SREK1IP1: variants seen among roughly 807,000 people sequenced by gnomAD.
SREK1IP1 encodes the protein protein SREK1IP1.
Under a neutral mutation model 22.8 loss-of-function variants are expected in SREK1IP1, and 12 were observed. The ratio of observed to expected loss-of-function variants is 0.53; its 90% CI spans 0.34 to 0.85. The LOEUF is 0.85. Among genes scored for constraint, SREK1IP1 ranks in the 40% least tolerant of loss-of-function variants. The pLI is 0.02. For synonymous variants in SREK1IP1, 53 were observed against 52.7 expected (o/e 1.01, Z -0.02); for missense variants, 147 against 171.8 (o/e 0.86, Z 0.81).
At chr5:64,745,598 A>C (rs1385653230) in intron 2 of SREK1IP1, among the ~76,000 whole-genome samples, 5 of 152,058 alleles carry the variant, frequency 3.3e-5, no homozygotes, top group Admixed American at 1.3e-4. Flanking sequence ...AAAAAAAAAA[A>C]AACTCCTGAT....
intron 3 of SREK1IP1, among the ~76,000 whole-genome samples, chr5:64,736,112 T>C (rs906164625): frequency 3.9e-5 from 6 of 152,232 alleles, no homozygotes; most frequent in Admixed American, 2.0e-4. Context: ...GTTGACCCAA[T>C]AGACTATTTA....
intron 2 of SREK1IP1, among the ~76,000 whole-genome samples, chr5:64,751,100 G>A (rs1238918116): frequency 1.3e-5 from 2 of 152,002 alleles, no homozygotes; most frequent in Non-Finnish European, 2.9e-5. Context: ...TCTTGCTAAG[G>A]GAAGCAAAGC....
chr5:64,768,545 C>T lies in SREK1IP1; in HGVS notation c.-28G>A. ...CGGTGGTAAGAGGGGTAACTCGAGC[C>T]TCTGGCTTTCGAAAAGGCGCTTGCT... is the stretch of plus-strand genomic sequence containing the variant. On this transcript the variant is annotated 5_prime_UTR_variant, in exon 1 of 5. Transcript: ENST00000513458. 6.2e-7 allele frequency: 1 copy of T among 1,614,136 alleles called. No individual in the cohort carries two copies. The highest frequency in any genetic ancestry group is 8.5e-7 in the Non-Finnish European group (1 of 1,180,022).
At chr5:64,752,796 G>A (rs1742772632) in intron 2 of SREK1IP1, among the ~76,000 whole-genome samples, 1 of 152,070 alleles carries the variant, frequency 6.6e-6, no homozygotes, top group Non-Finnish European at 1.5e-5. Context: ...TAAAAGATAA[G>A]CTAATTTGTA....
intron 1 of SREK1IP1, among the ~76,000 whole-genome samples, chr5:64,761,910 G>A (rs1345602745): frequency 1.3e-5 from 2 of 152,076 alleles, no homozygotes; most frequent in East Asian, 1.9e-4. Context: ...AGTAGACAAC[G>A]AAGAAACAGA....
Position 64,721,278 on chromosome 5 carries a change from T to C in SREK1IP1, c.*3106A>G, listed in dbSNP as rs1045585111. ...GGCAAATGTGTCTTACTTATCTCTGTATCCCCAGTACTTAGCACAGCGTTT... is the reference window on the plus strand; with the variant it reads ...GGCAAATGTGTCTTACTTATCTCTGCATCCCCAGTACTTAGCACAGCGTTT... On this transcript the variant is annotated 3_prime_UTR_variant, in exon 5 of 5. Transcript: ENST00000513458. 2 of 152,192 alleles carry C rather than the reference T, an allele frequency of 1.3e-5. No individual in the cohort carries two copies. Among genetic ancestry groups the C allele is most frequent in the African/African-American group, 4.8e-5 (2 of 41,460 alleles). The allele number at this position is 152,192 out of a possible 1,614,324, so 9.4% of individuals were successfully genotyped here. A position where few individuals can be genotyped will look rare whatever the true frequency, so the allele number is the denominator to read the frequency against.
At chr5:64,748,025 A>T (rs1295730596) in intron 2 of SREK1IP1, among the ~76,000 whole-genome samples, 1 of 152,202 alleles carries the variant, frequency 6.6e-6, no homozygotes, top group Non-Finnish European at 1.5e-5. Context: ...GAAAACAGGG[A>T]CTCAAACAGA....
At chr5:64,727,553 A>ATATATATTTTTTTTTTTTTT in intron 4 of SREK1IP1, 2 of 84,716 alleles carry the variant, frequency 2.4e-5, no homozygotes, top group African/African-American at 1.1e-4. Flanking sequence ...ATATATATAT[A>ATATATATTTTTTTTTTTTTT]TTTTTTTTTT....
Position 64,724,441 on chromosome 5 carries a change from C to T in SREK1IP1, c.411G>A (p.Lys137=). The T allele has an allele frequency of 6.3e-7, 1 of 1,584,124 alleles. No individual in the cohort carries two copies. Among genetic ancestry groups the T allele is most frequent in the African/African-American group, 1.4e-5 (1 of 72,724 alleles). ...KGKHHKKEKK[K]RKKEKHSSTP... ...TAGAAGAATGCTTTTCCTTTTTTCT[C>T]TTCTTTTTTTCCTTTTTGTGATGTT... The change falls in exon 5 of 5, where the codon AAG becomes AAA. Residue 137 remains lysine, a synonymous_variant. Coordinates refer to ENST00000513458, the MANE Select transcript of SREK1IP1 (RefSeq NM_173829.4).
At chr5:64,727,471 A>ATG (rs980176897) in intron 4 of SREK1IP1, among the ~76,000 whole-genome samples, 2 of 140,016 alleles carry the variant, frequency 1.4e-5, no homozygotes, top group Non-Finnish European at 3.1e-5. Flanking sequence ...ATATATATAT[A>ATG]TGAAACTGTC....
chr5:64,743,212 G>A (rs1742578980), intron 2 of SREK1IP1, among the ~76,000 whole-genome samples: 1 of 152,112 alleles, frequency 6.6e-6, no homozygotes, highest in Non-Finnish European at 1.5e-5. Flanking sequence ...TAATAATACT[G>A]TTCCTTGTCA....
intron 2 of SREK1IP1, among the ~76,000 whole-genome samples, chr5:64,743,789 C>G (rs1354430356): frequency 6.6e-6 from 1 of 152,054 alleles, no homozygotes; most frequent in Non-Finnish European, 1.5e-5. Context: ...CCACTTATCA[C>G]CAGTAGTGCT....
In SREK1IP1 at chr5:64,719,411, G is replaced by T. The variant is rs1561380097; in HGVS notation, c.*4973C>A. On this transcript the variant is annotated 3_prime_UTR_variant, in exon 5 of 5. Coordinates refer to ENST00000513458, the MANE Select transcript of SREK1IP1 (RefSeq NM_173829.4). ...CCATTATAAAAATGACATTTTACAC[G>T]GCCATAAAAACAAAGAATTTTCACT... 6.6e-6 allele frequency: 1 copy of T among 151,914 alleles called. No homozygotes were observed. The highest frequency in any genetic ancestry group is 1.5e-5 in the Non-Finnish European group (1 of 67,978). The allele number at this position is 151,914 out of a possible 1,614,324, so 9.4% of individuals were successfully genotyped here.
At chr5:64,728,698 G>T (rs1273741695) in intron 3 of SREK1IP1, among the ~76,000 whole-genome samples, 1 of 152,028 alleles carries the variant, frequency 6.6e-6, no homozygotes, top group Admixed American at 6.6e-5. Context: ...AAAATGTACT[G>T]TCACATATAT....
intron 1 of SREK1IP1, among the ~76,000 whole-genome samples, 175 bp downstream of exon 1, chr5:64,768,330 T>C (rs1743097540): frequency 6.6e-6 from 1 of 152,242 alleles, no homozygotes; most frequent in South Asian, 2.1e-4. Context: ...TTTTCTTTCC[T>C]TCAGAGTTTA....
rs1480273065 is a variant in SREK1IP1, at chr5:64,721,566, T to C, written c.*2818A>G. 1 of 148,434 alleles carries C rather than the reference T, an allele frequency of 6.7e-6. No individual in the cohort carries two copies. 9.2% of individuals were successfully genotyped at this position (148,434 alleles called of 1,614,324 possible). ...TACCTCTGAGAAATATCAACCAACA[T>C]ATGATATGCAAAAAAAAAAAAGGGG... On this transcript the variant is annotated 3_prime_UTR_variant, in exon 5 of 5. Coordinates refer to ENST00000513458, the MANE Select transcript of SREK1IP1 (RefSeq NM_173829.4).
At position 64,744,549 on chromosome 5, in the gene SREK1IP1, TTTTG is replaced by T. The variant is rs1316494748; in HGVS notation, c.62-3353_62-3350del. ...ACCGCTAACAGTTCCACTAGTGCTCTTTTGTTTATTATTCGTTGGGTAATATGAA... is the reference window on the plus strand; with the variant it reads ...ACCGCTAACAGTTCCACTAGTGCTCTTTTATTATTCGTTGGGTAATATGAA... On this transcript the variant is annotated intron_variant, in intron 2 of 4. Transcript: ENST00000513458. Among the ~76,000 whole-genome samples the T allele has an allele frequency of 1.1e-4, 17 of 152,294 alleles. No individual in the cohort carries two copies. In the East Asian group the frequency reaches 3.3e-3, roughly 29 times the overall value.
chr5:64,725,512 T>C (rs1202308053), intron 4 of SREK1IP1, among the ~76,000 whole-genome samples: 1 of 152,168 alleles, frequency 6.6e-6, no homozygotes, highest in African/African-American at 2.4e-5. Flanking sequence ...CCAATGTAAA[T>C]TCAGGAGACT....
intron 3 of SREK1IP1, among the ~76,000 whole-genome samples, chr5:64,733,902 A>G (rs1385434366): frequency 6.6e-6 from 1 of 152,150 alleles, no homozygotes; most frequent in Non-Finnish European, 1.5e-5. Context: ...TTTACAAAAC[A>G]TTATTGAAAT....
Sources: allele counts gnomAD v4.1 joint callset (sites outside exome capture counted in the v4.1 genomes callset), GRCh38; gene constraint gnomAD v4.1.1; transcripts MANE v1.5; gene names NCBI Gene and HGNC (gene_info 2026-07-23, HGNC 2026-07-21).